The following TMEM132C variants were observed in gnomAD, a reference collection of about 807,000 sequenced individuals.
TMEM132C encodes protein phosphatase 1, regulatory subunit 152.
Under a neutral mutation model 61.4 loss-of-function variants are expected in TMEM132C, and 29 were observed. The ratio of observed to expected loss-of-function variants is 0.47; its 90% CI spans 0.35 to 0.64. The LOEUF is 0.64. Ranked by LOEUF, TMEM132C falls within the 30% of genes least tolerant of loss-of-function variation. The probability of loss-of-function intolerance (pLI) is 0.00; values close to 1 mark genes in which losing one functional copy is unlikely to be tolerated. For synonymous variants in TMEM132C, 656 were observed against 633.1 expected (o/e 1.04, Z -0.54); for missense variants, 1,408 against 1,476.9 (o/e 0.95, Z 0.76).
In TMEM132C at chr12:128,359,885, G is replaced by A. The variant is rs143484487; in HGVS notation, c.86-54847G>A. Among the ~76,000 whole-genome samples, 157 of 152,300 alleles carry A rather than the reference G, an allele frequency of 1.0e-3. 1 individual carries two copies. In the East Asian group the frequency reaches 0.015, roughly 15 times the overall value. On this transcript the variant is annotated intron_variant, in intron 1 of 8. Coordinates refer to ENST00000435159, the MANE Select transcript of TMEM132C (RefSeq NM_001136103.3). ...TATAGCAGGATAAAACTAATTTGAA[G>A]CATGCTAATGAGAGTGAAGTTTTAT...
At position 128,415,315 on chromosome 12, in the gene TMEM132C, G is replaced by A. The variant is rs1208138518; in HGVS notation, c.669G>A (p.Gly223=). The A allele has an allele frequency of 9.4e-6, 15 of 1,591,644 alleles. 1 individual carries two copies. The East Asian group carries it at 3.2e-4, about 34-fold the overall frequency. Residue 223 remains glycine (G), a synonymous_variant, in exon 2 of 9, where the codon GGG becomes GGA. Transcript: ENST00000435159. This position sits in a 1 kb window ranked among gnomAD's most constrained non-coding sequence, Gnocchi z 5.8. The part of the protein sequence containing the change: ...GRKKSMDQPE[G]TPVELYYTVH... ...AGAAGTCCATGGACCAGCCGGAGGG[G>A]ACCCCTGTGGAGCTCTACTACACCG...
At position 128,392,467 on chromosome 12, in the gene TMEM132C, G is replaced by T. The variant is rs567922469; in HGVS notation, c.86-22265G>T. Among the ~76,000 whole-genome samples the T allele has an allele frequency of 6.2e-4, 95 of 152,220 alleles. 1 individual carries two copies. The highest frequency in any genetic ancestry group is 1.0e-3 in the Non-Finnish European group (71 of 68,032). On this transcript the variant is annotated intron_variant, in intron 1 of 8. Transcript: ENST00000435159. ...GTGGTTTGAAAGAGCTTCTATTCCA[G>T]TTTCTCAAATAAGATTTGAGTGTGA...
chr12:128,468,950 A>G (rs58092740), intron 2 of TMEM132C, among the ~76,000 whole-genome samples: 10,973 of 152,168 alleles, frequency 0.072, 1,307 homozygotes, highest in African/African-American at 0.25. Context: ...TGTGGGAAAC[A>G]TTGGACTTTC....
chr12:128,356,304 G>T (rs1177314705), intron 1 of TMEM132C, among the ~76,000 whole-genome samples: 1 of 152,186 alleles, frequency 6.6e-6, no homozygotes, highest in Non-Finnish European at 1.5e-5. Flanking sequence ...CAGACCCCGT[G>T]CCTCAGCCTT....
At chr12:128,474,815 G>C (rs1871101843) in intron 2 of TMEM132C, among the ~76,000 whole-genome samples, 2 of 152,068 alleles carry the variant, frequency 1.3e-5, no homozygotes, top group Non-Finnish European at 2.9e-5. Context: ...GCACAAATTG[G>C]TACCACATAG....
chr12:128,647,892 G>T (rs1212716280), intron 4 of TMEM132C, among the ~76,000 whole-genome samples: 1 of 147,808 alleles, frequency 6.8e-6, no homozygotes, highest in Middle Eastern at 3.5e-3. Flanking sequence ...GTCCATTAGC[G>T]TTGGATGTGA....
At chr12:128,377,472 A>C (rs1482807869) in intron 1 of TMEM132C, among the ~76,000 whole-genome samples, 1 of 152,196 alleles carries the variant, frequency 6.6e-6, no homozygotes, top group African/African-American at 2.4e-5. Context: ...TGTTTTTCCC[A>C]TTGTAGGTAA....
Position 128,492,426 on chromosome 12 carries a change from A to G in TMEM132C, c.975-51531A>G, listed in dbSNP as rs778314942. The stretch of plus-strand genomic sequence containing the variant: ...TTCTAGATCCCTGAGGAATCGCCAC[A>G]CTGTCTTCCACGATGGTTGACCTAA... On this transcript the variant is annotated intron_variant, in intron 2 of 8. Transcript: ENST00000435159. 1.2e-3 allele frequency among the ~76,000 whole-genome samples: 183 copies of G among 152,308 alleles called. 1 individual carries two copies. The highest frequency in any genetic ancestry group is 7.5e-4 in the Non-Finnish European group (51 of 68,032).
chr12:128,639,340 T>C (rs540839812), intron 4 of TMEM132C, among the ~76,000 whole-genome samples: 32 of 151,212 alleles, frequency 2.1e-4, no homozygotes, highest in African/African-American at 7.5e-4. Flanking sequence ...GGTGATGATG[T>C]TGGTATTGGT....
At chr12:128,600,257 C>T (rs1876135442) in intron 3 of TMEM132C, among the ~76,000 whole-genome samples, 1 of 152,176 alleles carries the variant, frequency 6.6e-6, no homozygotes, top group Non-Finnish European at 1.5e-5. Flanking sequence ...GCTGGTATTA[C>T]AGGTGTGAGC....
intron 2 of TMEM132C, among the ~76,000 whole-genome samples, chr12:128,534,835 C>T (rs775782918): frequency 1.3e-5 from 2 of 152,200 alleles, no homozygotes; most frequent in Non-Finnish European, 1.5e-5. Flanking sequence ...TTCCTTCTCC[C>T]ACCCCATCCA....
chr12:128,269,056 G>A (rs2135886480), intron 1 of TMEM132C, among the ~76,000 whole-genome samples: 1 of 152,164 alleles, frequency 6.6e-6, no homozygotes, highest in South Asian at 2.1e-4. Flanking sequence ...TCTGGTGCCT[G>A]AATTCTGCTG....
At chr12:128,369,726 A>G (rs1873974178) in intron 1 of TMEM132C, among the ~76,000 whole-genome samples, 1 of 152,182 alleles carries the variant, frequency 6.6e-6, no homozygotes, top group Admixed American at 6.5e-5. Flanking sequence ...TGTCCTGTTC[A>G]GTGGTTGTTC....
At chr12:128,384,913 C>T (rs542492169) in intron 1 of TMEM132C, among the ~76,000 whole-genome samples, 4 of 152,332 alleles carry the variant, frequency 2.6e-5, no homozygotes, top group African/African-American at 7.2e-5. Context: ...CCACGCAGGA[C>T]GTGGTCCTCT....
chr12:128,345,726 C>A (rs1451484544), intron 1 of TMEM132C, among the ~76,000 whole-genome samples: 1 of 152,002 alleles, frequency 6.6e-6, no homozygotes, highest in Non-Finnish European at 1.5e-5. Flanking sequence ...TGAGAAGTTC[C>A]TGTTTATGTC....
intron 1 of TMEM132C, among the ~76,000 whole-genome samples, chr12:128,268,946 A>AG (rs1555248736): frequency 0.012 from 1,048 of 87,334 alleles, 26 homozygotes; most frequent in East Asian, 0.058. Flanking sequence ...AGAGGGGGGA[A>AG]AGGGGGTGAG....
chr12:128,553,594 C>A (rs967746432), intron 3 of TMEM132C, among the ~76,000 whole-genome samples: 2 of 152,056 alleles, frequency 1.3e-5, no homozygotes, highest in Admixed American at 6.6e-5. Flanking sequence ...TTAGAAAGCC[C>A]CCTATCGCGG....
intron 2 of TMEM132C, among the ~76,000 whole-genome samples, chr12:128,420,073 G>T (rs1868936371): frequency 6.6e-6 from 1 of 152,222 alleles, no homozygotes; most frequent in East Asian, 1.9e-4. Flanking sequence ...GCGGGCACAG[G>T]TAATCCCAGC....
chr12:128,557,115 C>T lies in TMEM132C; in HGVS notation c.1121+13012C>T, dbSNP rs140294328. 3.0e-3 allele frequency among the ~76,000 whole-genome samples: 460 copies of T among 152,236 alleles called. 3 individuals are homozygous for T. Among genetic ancestry groups the T allele is most frequent in the African/African-American group, 0.011 (450 of 41,552 alleles). On this transcript the variant is annotated intron_variant, in intron 3 of 8. Transcript: ENST00000435159. ...GTTCTAAATGCCCCTTCTTCTCCCC[C>T]AACAAGGAAGAGATTCCTAATTAAA...
Sources: gnomAD v4.1 joint callset for allele counts (sites outside exome capture counted in the v4.1 genomes callset) on GRCh38, gnomAD v4.1.1 for gene constraint, Gnocchi (gnomAD v3.1) non-coding constraint, MANE v1.5 for transcripts, NCBI Gene and HGNC (gene_info 2026-07-23, HGNC 2026-07-21) for gene names.